Variants in GTF3C1 observed in about 807,000 individuals in gnomAD.
GTF3C1 encodes general transcription factor 3C polypeptide 1.
Under a neutral mutation model 226.7 loss-of-function variants are expected in GTF3C1, and 57 were observed. The ratio of observed to expected loss-of-function variants is 0.25; its 90% confidence interval spans 0.20 to 0.31. GTF3C1 has a LOEUF of 0.31. GTF3C1 is among the 10% of genes least tolerant of loss of function. The pLI is 1.00. For missense variants in GTF3C1, 2,217 were observed against 2,776.1 expected (o/e 0.80, Z 4.53); for synonymous variants, 1,090 against 1,084.8 (o/e 1.00, Z -0.09).
intron 2 of GTF3C1, among the ~76,000 whole-genome samples, chr16:27,540,210 C>G (rs2089061823): frequency 6.6e-6 from 1 of 152,248 alleles, no homozygotes; most frequent in Admixed American, 6.5e-5. Context: ...TCTTTCTTCA[C>G]ATTGTTTGAC....
In GTF3C1 at chr16:27,461,644, C is replaced by A. The variant is rs994183227; in HGVS notation, c.6118-82G>T. On this transcript the variant is annotated intron_variant, in intron 36 of 36. Coordinates refer to ENST00000356183, the MANE Select transcript of GTF3C1 (RefSeq NM_001520.4). This position sits in a 1 kb window ranked among gnomAD's most constrained non-coding sequence, Gnocchi z 5.3. ...TATTCTTCAAGCATTTATGGAATGCCCCCTCTGTACCAGGGAGCCACTTCC... is the reference window on the plus strand; with the variant it reads ...TATTCTTCAAGCATTTATGGAATGCACCCTCTGTACCAGGGAGCCACTTCC... 12 of 1,059,718 alleles carry A rather than the reference C, an allele frequency of 1.1e-5. No individual in the cohort carries two copies. Among genetic ancestry groups the A allele is most frequent in the African/African-American group, 6.2e-5 (4 of 64,606 alleles). 65.6% of individuals were successfully genotyped at this position (1,059,718 alleles called of 1,614,324 possible). A position where few individuals can be genotyped will look rare whatever the true frequency, so the allele number is the denominator to read the frequency against.
At chr16:27,515,566 CT>C (rs1334544067) in intron 6 of GTF3C1, among the ~76,000 whole-genome samples, 1 of 152,132 alleles carries the variant, frequency 6.6e-6, no homozygotes, top group African/African-American at 2.4e-5. Flanking sequence ...CCATCACAGC[CT>C]CCAACAAATG....
At position 27,469,528 on chromosome 16, in the gene GTF3C1, C is replaced by G. The variant is rs1322616040; in HGVS notation, c.4837G>C (p.Glu1613Gln). The G allele has an allele frequency of 3.7e-6, 6 of 1,611,954 alleles. No individual in the cohort carries two copies. In the African/African-American group the frequency reaches 8.0e-5, roughly 22 times the overall value. The change falls in exon 32 of 37, where the codon GAG (glutamate) becomes CAG (glutamine). Residue 1613 changes from glutamate (E) to glutamine (Q), a missense_variant. By Grantham distance (29) the Glu-to-Gln change is conservative (BLOSUM62 2). This residue lies in a region of GTF3C1 where 546 missense variants were observed against 663.0 expected (regional missense o/e 0.82). Coordinates refer to ENST00000356183, the MANE Select transcript of GTF3C1 (RefSeq NM_001520.4). The surrounding 1 kb of genome is among the most constrained non-coding windows in gnomAD (Gnocchi z 4.5). ...TCATCCTCTTCATCCTCGTCATCCT[C>G]CAGGCTGCCGTCCTTCCCCAAGCTA... Reference protein sequence around the residue: ...IKSLGKDGSLEDDEDEEDDLD... With the variant: ...IKSLGKDGSLQDDEDEEDDLD...
intron 2 of GTF3C1, among the ~76,000 whole-genome samples, chr16:27,541,931 C>A (rs751504833): frequency 2.6e-5 from 4 of 152,154 alleles, no homozygotes; most frequent in African/African-American, 4.8e-5. Context: ...CTATATCACC[C>A]TGTAAAAAAT....
Position 27,463,755 on chromosome 16 carries a change from T to C in GTF3C1, c.5873-163A>G. 1.5e-6 allele frequency: 1 copy of C among 663,566 alleles called. No homozygotes were observed. The highest frequency in any genetic ancestry group is 2.7e-6 in the Non-Finnish European group (1 of 370,808). The allele number at this position is 663,566 out of a possible 1,614,324, so 41.1% of individuals were successfully genotyped here. A position where few individuals can be genotyped will look rare whatever the true frequency, so the allele number is the denominator to read the frequency against. On this transcript the variant is annotated intron_variant, in intron 34 of 36. Transcript: ENST00000356183. This position sits in a 1 kb window ranked among gnomAD's most constrained non-coding sequence, Gnocchi z 4.9. ...TGAGCATCTCACAGAGCGGCCACCC[T>C]GGAGGTGGCAGGGCCGGGCAGACTG...
At chr16:27,472,622 A>G (rs2087893214) in intron 29 of GTF3C1, among the ~76,000 whole-genome samples, 1 of 152,118 alleles carries the variant, frequency 6.6e-6, no homozygotes, top group African/African-American at 2.4e-5. Context: ...ACGTCCCCCA[A>G]CACCACCCCT....
intron 2 of GTF3C1, among the ~76,000 whole-genome samples, chr16:27,544,041 T>A (rs974056887): frequency 2.6e-5 from 4 of 152,072 alleles, no homozygotes; most frequent in African/African-American, 9.7e-5. Flanking sequence ...AAGAGAAGGT[T>A]CTGCTGCGAG....
At chr16:27,522,584 G>A (rs1211486087) in intron 6 of GTF3C1, among the ~76,000 whole-genome samples, 1 of 152,122 alleles carries the variant, frequency 6.6e-6, no homozygotes, top group Admixed American at 6.5e-5. Flanking sequence ...TAGCTCTCTG[G>A]GTCCCTTTGC....
At chr16:27,538,909 C>A (rs1015283459) in intron 2 of GTF3C1, among the ~76,000 whole-genome samples, 1 of 151,902 alleles carries the variant, frequency 6.6e-6, no homozygotes, top group South Asian at 2.1e-4. Context: ...GCCCCACCCC[C>A]ACCATTTCCA....
intron 6 of GTF3C1, among the ~76,000 whole-genome samples, chr16:27,518,089 C>T (rs1019455943): frequency 6.6e-6 from 1 of 152,202 alleles, no homozygotes; most frequent in Admixed American, 6.5e-5. Context: ...CCCACGGCAG[C>T]TTTCCTCTTT....
intron 6 of GTF3C1, among the ~76,000 whole-genome samples, chr16:27,518,921 G>A (rs535283616): frequency 1.1e-4 from 17 of 152,330 alleles, no homozygotes; most frequent in Admixed American, 1.0e-3. Context: ...GGGCCCTAGC[G>A]TAACACTTGA....
intron 11 of GTF3C1, 151 bp downstream of exon 11, chr16:27,502,708 C>G: frequency 2.6e-6 from 2 of 769,278 alleles, no homozygotes; most frequent in Non-Finnish European, 4.2e-6. Flanking sequence ...CCATCTAAAT[C>G]CTCCCTACCG....
chr16:27,473,973 C>A (rs2087915486), intron 29 of GTF3C1, among the ~76,000 whole-genome samples: 1 of 152,192 alleles, frequency 6.6e-6, no homozygotes, highest in Non-Finnish European at 1.5e-5. Flanking sequence ...GGTGTATTCC[C>A]ACATAACAGG....
intron 6 of GTF3C1, among the ~76,000 whole-genome samples, chr16:27,516,624 C>G (rs187134337): frequency 2.6e-5 from 4 of 152,220 alleles, no homozygotes; most frequent in Admixed American, 6.5e-5. Flanking sequence ...TTCCTTTCCC[C>G]ATGCCATCAC....
intron 27 of GTF3C1, 150 bp from the exon 28 acceptor site, chr16:27,478,681 A>C (rs2087991165): frequency 2.9e-6 from 2 of 689,524 alleles, no homozygotes; most frequent in Admixed American, 2.1e-5. Context: ...GTGCATGTAA[A>C]TTAAAATGAG....
chr16:27,546,301 TCTTCA>T (rs1323487022), intron 1 of GTF3C1, among the ~76,000 whole-genome samples: 1 of 152,060 alleles, frequency 6.6e-6, no homozygotes, highest in Non-Finnish European at 1.5e-5. Context: ...AGATCCAATG[TCTTCA>T]CTTGTCTATT....
chr16:27,497,970 A>G, intron 13 of GTF3C1, 149 bp from the exon 14 acceptor site: 1 of 637,242 alleles, frequency 1.6e-6, no homozygotes. Flanking sequence ...TGATGCAAAC[A>G]AAATGTCAGG....
intron 1 of GTF3C1, among the ~76,000 whole-genome samples, chr16:27,546,465 T>C (rs2141468487): frequency 7.2e-6 from 1 of 138,746 alleles, no homozygotes; most frequent in African/African-American, 2.7e-5. Flanking sequence ...TTAGCCAAGC[T>C]TGTCAAGTTT....
chr16:27,538,111 C>A (rs530624987), intron 3 of GTF3C1, 69 bp downstream of exon 3: 755 of 1,237,426 alleles, frequency 6.1e-4, no homozygotes, highest in Middle Eastern at 1.1e-3. Context: ...CCACAGCAGG[C>A]CCCTGCATTT....
Sources: allele counts gnomAD v4.1 joint callset (sites outside exome capture counted in the v4.1 genomes callset), GRCh38; gene constraint gnomAD v4.1.1; regional missense constraint gnomAD v4.1.1; non-coding constraint Gnocchi (gnomAD v3.1); transcripts MANE v1.5; gene names NCBI Gene and HGNC (gene_info 2026-07-23, HGNC 2026-07-21).